The following RNFT2 variants were observed in gnomAD, a reference collection of about 807,000 sequenced individuals.
The protein encoded by RNFT2 is E3 ubiquitin-protein ligase RNFT2.
RNFT2 carries 36 observed loss-of-function variants against 53.0 expected under a neutral mutation model. The ratio of observed to expected loss-of-function variants is 0.68; its 90% CI spans 0.52 to 0.90. RNFT2 has a LOEUF of 0.90. Among genes scored for constraint, RNFT2 ranks in the 40% least tolerant of loss-of-function variants. The pLI is 0.00. For missense variants in RNFT2, 514 were observed against 585.6 expected (o/e 0.88, Z 1.26); for synonymous variants, 260 against 253.2 (o/e 1.03, Z -0.26).
chr12:116,847,830 T>C (rs1347940096), intron 10 of RNFT2, among the ~76,000 whole-genome samples: 1 of 152,076 alleles, frequency 6.6e-6, no homozygotes, highest in African/African-American at 2.4e-5. Context: ...CCTGGCCCTC[T>C]CTCTTTTTTA....
At chr12:116,760,350 G>C (rs1872649971) in intron 5 of RNFT2, among the ~76,000 whole-genome samples, 1 of 152,172 alleles carries the variant, frequency 6.6e-6, no homozygotes, top group African/African-American at 2.4e-5. Context: ...ACCCTCCCCT[G>C]AGTTCTGGCC....
chr12:116,747,680 TG>T (rs1454380316), intron 3 of RNFT2, among the ~76,000 whole-genome samples: 3 of 152,168 alleles, frequency 2.0e-5, no homozygotes, highest in Non-Finnish European at 4.4e-5. Flanking sequence ...CCCTGGGTTG[TG>T]GGGTCCAGAG....
At chr12:116,829,874 C>G (rs937884263) in intron 7 of RNFT2, among the ~76,000 whole-genome samples, 3 of 152,100 alleles carry the variant, frequency 2.0e-5, no homozygotes, top group Non-Finnish European at 2.9e-5. Flanking sequence ...AGCCACCATG[C>G]CCAGACTCAT....
intron 7 of RNFT2, among the ~76,000 whole-genome samples, chr12:116,824,741 C>T (rs528991928): frequency 1.1e-3 from 164 of 152,280 alleles, no homozygotes; most frequent in African/African-American, 3.1e-3. Context: ...AGAGAGATCT[C>T]TCATGTCTCT....
At chr12:116,755,806 T>A in intron 5 of RNFT2, 9 of 1,553,334 alleles carry the variant, frequency 5.8e-6, no homozygotes, top group Non-Finnish European at 7.9e-6. Context: ...AAGGAACAAC[T>A]CCATGTTTTC....
intron 3 of RNFT2, among the ~76,000 whole-genome samples, chr12:116,744,375 T>C (rs929562673): frequency 1.3e-5 from 2 of 152,140 alleles, no homozygotes; most frequent in Non-Finnish European, 2.9e-5. Flanking sequence ...AACCATGAGA[T>C]CTCTTGCGGG....
chr12:116,740,345 G>GT lies in RNFT2; in HGVS notation c.-150dup, dbSNP rs1350972662. ...CATCCAGGTGTTCTGTTCCATCCAG[G>GT]TTTGGAGTCTCTGGCAAGCTCCCCT... On this transcript the variant is annotated splice_region_variant and 5_prime_UTR_variant, in exon 2 of 11. Coordinates refer to ENST00000257575, the MANE Select transcript of RNFT2 (RefSeq NM_001382266.1). The GT allele has an allele frequency of 5.9e-6, 4 of 679,546 alleles. No homozygotes were observed. Among genetic ancestry groups the GT allele is most frequent in the Admixed American group, 2.2e-5 (1 of 44,528 alleles). 42.1% of individuals were successfully genotyped at this position (679,546 alleles called of 1,614,324 possible).
chr12:116,828,781 A>G (rs1046282642), intron 7 of RNFT2, among the ~76,000 whole-genome samples: 1 of 152,120 alleles, frequency 6.6e-6, no homozygotes, highest in Non-Finnish European at 1.5e-5. Context: ...GGTGGAAGAA[A>G]GAAAGGTAAG....
intron 5 of RNFT2, among the ~76,000 whole-genome samples, chr12:116,764,908 A>C (rs1210127445): frequency 1.3e-5 from 2 of 152,100 alleles, no homozygotes; most frequent in Non-Finnish European, 2.9e-5. Context: ...CAAACAAACA[A>C]AACAGTAGGA....
intron 7 of RNFT2, among the ~76,000 whole-genome samples, chr12:116,828,095 C>G (rs138713511): frequency 2.0e-5 from 3 of 152,036 alleles, no homozygotes; most frequent in Non-Finnish European, 4.4e-5. Flanking sequence ...ACCAGGCAGA[C>G]GAAGCAGGAG....
chr12:116,790,279 A>C (rs1207851139), intron 7 of RNFT2, among the ~76,000 whole-genome samples: 1 of 152,202 alleles, frequency 6.6e-6, no homozygotes, highest in Non-Finnish European at 1.5e-5. Flanking sequence ...CCATTTGTTC[A>C]AGAAATATTT....
In RNFT2 at chr12:116,755,747, T is replaced by C. The variant is rs1872479525; in HGVS notation, c.627+1687T>C. 2.7e-6 allele frequency: 4 copies of C among 1,463,362 alleles called. No homozygotes were observed. The South Asian group carries it at 4.5e-5, about 17-fold the overall frequency. The allele number at this position is 1,463,362 out of a possible 1,614,324, so 90.6% of individuals were successfully genotyped here. Reference sequence around the variant, plus strand: ...TCCTTTTTGAACAGTACCCATTCCCTTGATGTCTACGATATCACCTTTCTT... The same window carrying C: ...TCCTTTTTGAACAGTACCCATTCCCCTGATGTCTACGATATCACCTTTCTT... On this transcript the variant is annotated intron_variant, in intron 5 of 10. Transcript: ENST00000257575.
Position 116,806,395 on chromosome 12 carries a change from TATATAG to T in RNFT2, c.882+27051_882+27056del, listed in dbSNP as rs1417754246. Among the ~76,000 whole-genome samples, 612 of 139,430 alleles carry T rather than the reference TATATAG, an allele frequency of 4.4e-3. 7 individuals are homozygous for T. The highest frequency in any genetic ancestry group is 0.016 in the African/African-American group (581 of 36,450). 91.5% of individuals were successfully genotyped at this position (139,430 alleles called of 152,430 possible). A position where few individuals can be genotyped will look rare whatever the true frequency, so the allele number is the denominator to read the frequency against. On this transcript the variant is annotated intron_variant, in intron 7 of 10. Coordinates refer to ENST00000257575, the MANE Select transcript of RNFT2 (RefSeq NM_001382266.1). ...AAAAAAAAAAAAATATATATATATA[TATATAG>T]ATAGATAGATAGATAGATAGATAGA... is the stretch of plus-strand genomic sequence containing the variant.
chr12:116,824,357 C>T (rs1203383469), intron 7 of RNFT2, among the ~76,000 whole-genome samples: 1 of 152,182 alleles, frequency 6.6e-6, no homozygotes, highest in Admixed American at 6.5e-5. Context: ...TACTGAGTCC[C>T]AAACGCTTTC....
At chr12:116,841,143 T>A (rs1877227720) in intron 10 of RNFT2, among the ~76,000 whole-genome samples, 1 of 152,074 alleles carries the variant, frequency 6.6e-6, no homozygotes, top group Non-Finnish European at 1.5e-5. Context: ...TATCTCACAG[T>A]TTTTACGGGT....
At chr12:116,811,258 C>T (rs1332732344) in intron 7 of RNFT2, among the ~76,000 whole-genome samples, 3 of 152,052 alleles carry the variant, frequency 2.0e-5, no homozygotes, top group Admixed American at 6.6e-5. Context: ...AGAAATATTC[C>T]TGTTTACCTC....
intron 8 of RNFT2, among the ~76,000 whole-genome samples, chr12:116,834,617 A>G (rs1338013649): frequency 1.3e-5 from 2 of 152,078 alleles, no homozygotes; most frequent in Non-Finnish European, 1.5e-5. Context: ...TTCTGTCTCT[A>G]TGAATATACT....
At chr12:116,803,035 C>T (rs1686996006) in intron 7 of RNFT2, among the ~76,000 whole-genome samples, 1 of 151,944 alleles carries the variant, frequency 6.6e-6, no homozygotes, top group Non-Finnish European at 1.5e-5. Flanking sequence ...GCAGAGGATG[C>T]AGTGAGCCGA....
chr12:116,851,481 G>A lies in RNFT2; in HGVS notation c.*2033G>A, dbSNP rs1354829002. The A allele has an allele frequency of 6.4e-6, 3 of 466,784 alleles. No individual in the cohort carries two copies. The highest frequency in any genetic ancestry group is 7.3e-5 in the Admixed American group (2 of 27,552). 28.9% of individuals were successfully genotyped at this position (466,784 alleles called of 1,614,324 possible). On this transcript the variant is annotated 3_prime_UTR_variant, in exon 11 of 11. Coordinates refer to ENST00000257575, the MANE Select transcript of RNFT2 (RefSeq NM_001382266.1). Reference sequence around the variant, plus strand: ...AGGCCGGGTGTGGTGGCCCATGCCTGTAGTGCCAGCATTTTGGGAGGCTGA... The same window carrying A: ...AGGCCGGGTGTGGTGGCCCATGCCTATAGTGCCAGCATTTTGGGAGGCTGA...
Sources: allele counts gnomAD v4.1 joint callset (sites outside exome capture counted in the v4.1 genomes callset), GRCh38; gene constraint gnomAD v4.1.1; transcripts MANE v1.5; gene names NCBI Gene and HGNC (gene_info 2026-07-23, HGNC 2026-07-21).